The following LINC00632 variants were observed in gnomAD, a reference collection of about 807,000 sequenced individuals.
LINC00632 encodes the protein ALDOA related specific transcript.
chrX:140,715,438 CAAA>C (rs1297088230), intron 2 of LINC00632, among the ~76,000 whole-genome samples: 3 of 109,789 alleles, frequency 2.7e-5, no homozygotes, highest in African/African-American at 1.0e-4. Context: ...ACTAAAAATA[CAAA>C]AAAATTAGCC....
chrX:140,759,090 G>A (rs754161620), intron 3 of LINC00632, among the ~76,000 whole-genome samples: 3 of 103,948 alleles, frequency 2.9e-5, no homozygotes, highest in African/African-American at 7.1e-5. Context: ...TCAGCCTCCC[G>A]AATAGCTGGG....
intron 3 of LINC00632, among the ~76,000 whole-genome samples, chrX:140,749,932 G>C (rs1389896232): frequency 9.0e-6 from 1 of 110,776 alleles, no homozygotes; most frequent in Non-Finnish European, 1.9e-5. Flanking sequence ...GGGCGCAAGT[G>C]ATCCTCCTGC....
intron 2 of LINC00632, among the ~76,000 whole-genome samples, chrX:140,712,851 G>A (rs888989308): frequency 9.3e-6 from 1 of 107,275 alleles, no homozygotes; most frequent in African/African-American, 3.4e-5. Context: ...TACTGATTCT[G>A]GGGGGGAAAA....
At chrX:140,716,110 T>C (rs1285108469) in intron 2 of LINC00632, 3 of 111,731 alleles carry the variant, frequency 2.7e-5, no homozygotes, top group African/African-American at 9.8e-5. Context: ...CACATATTAC[T>C]CCTACAATGT....
At chrX:140,760,536 C>G (rs113008685) in intron 3 of LINC00632, among the ~76,000 whole-genome samples, 2 of 110,852 alleles carry the variant, frequency 1.8e-5, no homozygotes, top group African/African-American at 6.6e-5. Context: ...TTTGGGAGGC[C>G]GAGGCGGGTG....
intron 3 of LINC00632, among the ~76,000 whole-genome samples, chrX:140,767,796 C>T (rs142925303): frequency 1.5e-3 from 167 of 111,747 alleles, no homozygotes; most frequent in Non-Finnish European, 2.5e-3. Flanking sequence ...GACTGAGGGA[C>T]TGACAATTGG....
exon 4 of LINC00632, chrX:140,772,512 G>C (rs926014500): frequency 3.5e-6 from 1 of 289,674 alleles, no homozygotes; most frequent in Admixed American, 6.3e-5. Flanking sequence ...AACAAGGAGA[G>C]GGATGATAGA....
At chrX:140,737,496 G>T (rs903902598) in intron 3 of LINC00632, among the ~76,000 whole-genome samples, 5 of 111,145 alleles carry the variant, frequency 4.5e-5, no homozygotes, top group African/African-American at 1.6e-4. Context: ...TAGCCATTCT[G>T]AAAAACACAA....
exon 3 of LINC00632, chrX:140,733,940 G>A (rs1186618541): frequency 1.8e-5 from 2 of 111,749 alleles, no homozygotes; most frequent in Non-Finnish European, 3.8e-5. Context: ...CCCTGTGCAC[G>A]TTTGCCACCT....
chrX:140,787,033 ATTCTT>A (rs1334377831), exon 5 of LINC00632, among the ~76,000 whole-genome samples: 3 of 111,426 alleles, frequency 2.7e-5, no homozygotes, highest in East Asian at 5.6e-4. Context: ...TCTTCTATAT[ATTCTT>A]TTAAGTTCTT....
At chrX:140,781,914 A>T (rs1178818753) in exon 5 of LINC00632, among the ~76,000 whole-genome samples, 5 of 111,996 alleles carry the variant, frequency 4.5e-5, no homozygotes, top group Non-Finnish European at 9.4e-5. Flanking sequence ...GAACCTTTAC[A>T]GAAAATGTTT....
chrX:140,748,835 GATAT>G (rs1164087552), intron 3 of LINC00632, among the ~76,000 whole-genome samples: 3 of 96,843 alleles, frequency 3.1e-5, no homozygotes, highest in Admixed American at 1.2e-4. Flanking sequence ...TTTTATCTAT[GATAT>G]ATATATTTTA....
chrX:140,767,003 TATC>T (rs1269981900), intron 3 of LINC00632, among the ~76,000 whole-genome samples: 3 of 112,066 alleles, frequency 2.7e-5, no homozygotes, highest in Non-Finnish European at 5.6e-5. Flanking sequence ...CTACAGGTAT[TATC>T]ATACATCTTT....
intron 3 of LINC00632, among the ~76,000 whole-genome samples, chrX:140,753,527 T>C (rs1931442018): frequency 9.0e-6 from 1 of 110,647 alleles, no homozygotes; most frequent in African/African-American, 3.3e-5. Flanking sequence ...ACCGAGGATG[T>C]GCTATATATG....
intron 2 of LINC00632, chrX:140,733,783 A>G (rs1931099220): frequency 8.9e-6 from 1 of 112,626 alleles, no homozygotes; most frequent in African/African-American, 3.2e-5. Context: ...AGGGATTATT[A>G]CTGTCTCTGG....
chrX:140,778,640 T>C (rs770330289), exon 5 of LINC00632, among the ~76,000 whole-genome samples: 2 of 108,406 alleles, frequency 1.8e-5, no homozygotes, highest in Admixed American at 9.9e-5. Flanking sequence ...AAAAAAGAAC[T>C]GTTTTGATAA....
exon 5 of LINC00632, among the ~76,000 whole-genome samples, chrX:140,778,378 G>A (rs1410920582): frequency 1.8e-5 from 2 of 111,314 alleles, no homozygotes; most frequent in Non-Finnish European, 3.8e-5. Flanking sequence ...AGGCCGAGGC[G>A]GGCAGATCAC....
intron 2 of LINC00632, among the ~76,000 whole-genome samples, chrX:140,725,942 A>G (rs775886483): frequency 1.8e-5 from 2 of 111,484 alleles, no homozygotes; most frequent in East Asian, 2.8e-4. Context: ...GACTCACACT[A>G]TGACACTCAT....
chrX:140,784,468 T>G, exon 5 of LINC00632: 2 of 970,863 alleles, frequency 2.1e-6, no homozygotes, highest in Non-Finnish European at 2.8e-6. Context: ...TCTTCCAGCA[T>G]CTCCAGGGCT....
Sources: allele counts gnomAD v4.1 joint callset (sites outside exome capture counted in the v4.1 genomes callset), GRCh38; gene constraint gnomAD v4.1.1; transcripts MANE v1.5; gene names NCBI Gene and HGNC (gene_info 2026-07-23, HGNC 2026-07-21).